Variants in VMP1 observed in about 807,000 individuals in gnomAD.
The protein encoded by VMP1 is ectopic P-granules autophagy protein 3 homolog.
A neutral mutation model predicts 56.0 loss-of-function variants in VMP1; 11 were observed. The observed-to-expected ratio is 0.20, with a 90% confidence interval of 0.12 to 0.32. The LOEUF is 0.32. VMP1 is among the 10% of genes least tolerant of loss of function. The pLI is 1.00. For missense variants in VMP1, 296 were observed against 490.3 expected, an observed-to-expected ratio of 0.60 and a Z score of 3.74; for synonymous variants, 149 against 165.0, an observed-to-expected ratio of 0.90 and a Z score of 0.74.
At chr17:59,715,168 C>CT (rs1035278566) in intron 1 of VMP1, among the ~76,000 whole-genome samples, 20 of 152,116 alleles carry the variant, frequency 1.3e-4, no homozygotes, top group African/African-American at 4.6e-4. Context: ...ATTTGAATTG[C>CT]TTTTTTTATA....
intron 5 of VMP1, among the ~76,000 whole-genome samples, chr17:59,739,818 G>A (rs944240883): frequency 2.0e-5 from 3 of 149,198 alleles, no homozygotes; most frequent in African/African-American, 4.9e-5. Context: ...GCTCACACCT[G>A]TAATCCCAGC....
intron 11 of VMP1, 123 bp from the exon 12 acceptor site, chr17:59,839,645 C>T (rs1324657471): frequency 7.8e-7 from 1 of 1,288,688 alleles, no homozygotes; most frequent in African/African-American, 1.5e-5. Context: ...GGGTTGCTTA[C>T]TTTTCATTTT....
intron 6 of VMP1, among the ~76,000 whole-genome samples, chr17:59,767,713 A>G (rs1016179605): frequency 5.3e-5 from 8 of 152,172 alleles, no homozygotes; most frequent in Admixed American, 2.6e-4. Context: ...GGCTTTACAC[A>G]TGCTTTAAAT....
intron 1 of VMP1, among the ~76,000 whole-genome samples, chr17:59,709,576 GGA>G (rs1567999424): frequency 6.6e-6 from 1 of 152,128 alleles, no homozygotes; most frequent in Non-Finnish European, 1.5e-5. Context: ...TCTTAGAACT[GGA>G]GATATGTCAG....
intron 9 of VMP1, among the ~76,000 whole-genome samples, chr17:59,816,945 CAAAAAAA>C (rs113395601): frequency 4.5e-5 from 3 of 67,046 alleles, no homozygotes; most frequent in Admixed American, 1.7e-4. Flanking sequence ...GACTCCGTCT[CAAAAAAA>C]AAAAAAGAAA....
chr17:59,746,451 C>T (rs1421624955), intron 5 of VMP1, among the ~76,000 whole-genome samples: 1 of 152,148 alleles, frequency 6.6e-6, no homozygotes, highest in Non-Finnish European at 1.5e-5. Context: ...GGATTACAGG[C>T]GTGAGCCAAC....
chr17:59,766,081 A>G (rs911660561), intron 6 of VMP1, among the ~76,000 whole-genome samples: 1 of 152,046 alleles, frequency 6.6e-6, no homozygotes, highest in African/African-American at 2.4e-5. Flanking sequence ...ATTTATTTAT[A>G]TATTTATTTA....
chr17:59,719,102 G>A (rs1414648895), intron 1 of VMP1, among the ~76,000 whole-genome samples: 1 of 152,158 alleles, frequency 6.6e-6, no homozygotes, highest in Non-Finnish European at 1.5e-5. Context: ...ATATTACTCA[G>A]ATTAGTTATT....
chr17:59,748,674 A>T (rs1302146905), intron 5 of VMP1, among the ~76,000 whole-genome samples: 1 of 152,108 alleles, frequency 6.6e-6, no homozygotes, highest in African/African-American at 2.4e-5. Context: ...CACTACGCTT[A>T]CTCTGATTTA....
Position 59,838,415 on chromosome 17 carries a change from T to G in VMP1, c.1077+18T>G. ...CACCACAGGTAAGACTTTAATCCGGTTTCTTCTCCCCTCTGGGAAGTTTCG... is the reference window on the plus strand; with the variant it reads ...CACCACAGGTAAGACTTTAATCCGGGTTCTTCTCCCCTCTGGGAAGTTTCG... On this transcript the variant is annotated intron_variant, in intron 11 of 11. Transcript: ENST00000262291. 6.2e-7 allele frequency: 1 copy of G among 1,613,238 alleles called. No homozygotes were observed. Among genetic ancestry groups the G allele is most frequent in the Non-Finnish European group, 8.5e-7 (1 of 1,179,250 alleles).
chr17:59,773,078 C>T (rs1313842442), intron 6 of VMP1, among the ~76,000 whole-genome samples: 1 of 149,014 alleles, frequency 6.7e-6, no homozygotes, highest in Admixed American at 6.8e-5. Flanking sequence ...TTTCCTGCCT[C>T]AGCCTCCAGA....
chr17:59,841,931 T>C lies in VMP1; in HGVS notation c.*2020T>C, dbSNP rs532690447. 5.9e-5 allele frequency: 9 copies of C among 152,356 alleles called. No homozygotes were observed. Among genetic ancestry groups the C allele is most frequent in the African/African-American group, 1.7e-4 (7 of 41,576 alleles). The allele number at this position is 152,356 out of a possible 1,614,324, so 9.4% of individuals were successfully genotyped here. A position where few individuals can be genotyped will look rare whatever the true frequency, so the allele number is the denominator to read the frequency against. On this transcript the variant is annotated 3_prime_UTR_variant, in exon 12 of 12. Coordinates refer to ENST00000262291, the MANE Select transcript of VMP1 (RefSeq NM_030938.5). ...AGGTCTAATTGATACGTTTGACTTA[T>C]GATGACCATTTATGCACTTTCAAAT...
At chr17:59,744,761 G>A (rs2035363200) in intron 5 of VMP1, among the ~76,000 whole-genome samples, 1 of 151,774 alleles carries the variant, frequency 6.6e-6, no homozygotes, top group African/African-American at 2.4e-5. Flanking sequence ...TATAAAGAGA[G>A]ATCTAGTATA....
At chr17:59,708,555 G>A (rs568425065) in intron 1 of VMP1, among the ~76,000 whole-genome samples, 7 of 152,316 alleles carry the variant, frequency 4.6e-5, no homozygotes, top group East Asian at 1.9e-4. Context: ...CTGTTGATGT[G>A]TTTTGGCAGC....
At chr17:59,804,597 C>T (rs1317245281) in intron 7 of VMP1, among the ~76,000 whole-genome samples, 13 of 118,368 alleles carry the variant, frequency 1.1e-4, no homozygotes, top group African/African-American at 4.4e-4. Flanking sequence ...GCAGCCTGGG[C>T]GACAGTGAGA....
intron 1 of VMP1, among the ~76,000 whole-genome samples, chr17:59,721,210 G>T (rs999298930): frequency 2.0e-5 from 3 of 151,186 alleles, no homozygotes; most frequent in Admixed American, 6.6e-5. Context: ...GCTGGGTGTG[G>T]TGGCACACAC....
rs79266571 is a variant in VMP1, at chr17:59,781,810, T to G, written c.714+7925T>G. On this transcript the variant is annotated intron_variant, in intron 7 of 11. Transcript: ENST00000262291. ...TTTTATGATATATTTTTCATTTTCT[T>G]ACTGGTTTACATATTTAAGAAGATG... is the stretch of plus-strand genomic sequence containing the variant. Among the ~76,000 whole-genome samples the G allele has an allele frequency of 1.9e-3, 284 of 152,360 alleles. 2 individuals carry two copies. The highest frequency in any genetic ancestry group is 6.5e-3 in the African/African-American group (272 of 41,584).
chr17:59,785,728 T>G (rs2036986019), intron 7 of VMP1, among the ~76,000 whole-genome samples: 3 of 151,988 alleles, frequency 2.0e-5, no homozygotes, highest in Admixed American at 6.6e-5. Context: ...AATATCAGTT[T>G]TTTTCCTCTA....
chr17:59,798,632 A>G (rs2037530537), intron 7 of VMP1, among the ~76,000 whole-genome samples: 1 of 152,222 alleles, frequency 6.6e-6, no homozygotes, highest in Non-Finnish European at 1.5e-5. Flanking sequence ...CACGCCTGTA[A>G]TCCCAGCACT....
Sources: allele counts gnomAD v4.1 joint callset (sites outside exome capture counted in the v4.1 genomes callset), GRCh38; gene constraint gnomAD v4.1.1; transcripts MANE v1.5; gene names NCBI Gene and HGNC (gene_info 2026-07-23, HGNC 2026-07-21).